The following DPH6 variants were observed in gnomAD, a reference collection of about 807,000 sequenced individuals.
The protein encoded by DPH6 is diphthamine biosynthesis 6.
DPH6 carries 33 observed loss-of-function variants against 38.2 expected under a neutral mutation model. That is an observed-to-expected ratio of 0.86 (90% CI 0.65 to 1.15). The LOEUF (loss-of-function observed/expected upper bound fraction) is 1.15, where lower values mean the gene tolerates loss of function less well. Among genes scored for constraint, DPH6 ranks in the 50% most tolerant of loss-of-function variants. The pLI is 0.00. For synonymous variants in DPH6, 108 were observed against 103.0 expected, an observed-to-expected ratio of 1.05 and a Z score of -0.30; for missense variants, 325 against 320.0, an observed-to-expected ratio of 1.02 and a Z score of -0.12.
intron 3 of DPH6, among the ~76,000 whole-genome samples, chr15:35,523,469 A>T (rs947511257): frequency 6.6e-6 from 1 of 151,960 alleles, no homozygotes; most frequent in Non-Finnish European, 1.5e-5. Context: ...GCTTTACATG[A>T]ACCTATTTTA....
chr15:35,481,305 C>T (rs1459795519), intron 3 of DPH6, among the ~76,000 whole-genome samples: 2 of 152,082 alleles, frequency 1.3e-5, no homozygotes, highest in Non-Finnish European at 2.9e-5. Flanking sequence ...GGGATTTCAA[C>T]AGTCTGTCAA....
chr15:35,259,676 C>T (rs937867390), intron 3 of DPH6, among the ~76,000 whole-genome samples: 1 of 152,204 alleles, frequency 6.6e-6, no homozygotes, highest in African/African-American at 2.4e-5. Flanking sequence ...TCCTCCCCAC[C>T]TTCCTCTCCA....
chr15:35,410,409 C>CT (rs902306870), intron 6 of DPH6, among the ~76,000 whole-genome samples: 11 of 151,610 alleles, frequency 7.3e-5, no homozygotes, highest in African/African-American at 1.4e-4. Flanking sequence ...CTTGGGATAA[C>CT]TTTTTTTACT....
chr15:35,546,111 C>G lies in DPH6; in HGVS notation c.23+8G>C. 1 of 1,403,994 alleles carries G rather than the reference C, an allele frequency of 7.1e-7. No individual in the cohort carries two copies. The highest frequency in any genetic ancestry group is 9.4e-7 in the Non-Finnish European group (1 of 1,064,908). 87.0% of individuals were successfully genotyped at this position (1,403,994 alleles called of 1,614,324 possible). A position where few individuals can be genotyped will look rare whatever the true frequency, so the allele number is the denominator to read the frequency against. ...AGGAGGAAGGAGGCGGCTCCAGGACCGCATTACCTGATCAGAGCCGCGACC... is the reference window on the plus strand; with the variant it reads ...AGGAGGAAGGAGGCGGCTCCAGGACGGCATTACCTGATCAGAGCCGCGACC... On this transcript the variant is annotated splice_region_variant and intron_variant, in intron 1 of 8. Transcript: ENST00000256538.
chr15:35,385,893 C>T (rs934878235), intron 6 of DPH6, among the ~76,000 whole-genome samples: 2 of 151,848 alleles, frequency 1.3e-5, no homozygotes, highest in African/African-American at 2.4e-5. Flanking sequence ...ATGTGCACAA[C>T]GTGCAGGTTT....
At chr15:35,432,958 A>C (rs2053650748) in intron 5 of DPH6, among the ~76,000 whole-genome samples, 1 of 152,050 alleles carries the variant, frequency 6.6e-6, no homozygotes, top group South Asian at 2.1e-4. Flanking sequence ...TAAACACCAA[A>C]CCCAAGTGAC....
chr15:35,206,434 A>T, the DPH6 span, among the ~76,000 whole-genome samples: 1 of 152,224 alleles, frequency 6.6e-6, no homozygotes, highest in Non-Finnish European at 1.5e-5. Flanking sequence ...AAATGTAAAG[A>T]GACCTAAGAC....
downstream of DPH6, among the ~76,000 whole-genome samples, chr15:35,330,331 A>T (rs2052317917): frequency 6.6e-6 from 1 of 152,200 alleles, no homozygotes; most frequent in Non-Finnish European, 1.5e-5. Context: ...TGAATGAAAA[A>T]GAACCCTGAA....
chr15:35,222,862 T>C (rs565523653), intron 3 of DPH6, among the ~76,000 whole-genome samples: 2 of 152,146 alleles, frequency 1.3e-5, no homozygotes. Flanking sequence ...ACAAGGAATT[T>C]CCTTGTGGGC....
chr15:35,427,935 A>G (rs1159146789), intron 5 of DPH6, among the ~76,000 whole-genome samples: 1 of 151,980 alleles, frequency 6.6e-6, no homozygotes, highest in Non-Finnish European at 1.5e-5. Flanking sequence ...TAAAAAAAAG[A>G]AAAAATACAC....
chr15:35,468,295 C>G (rs1246400282), intron 3 of DPH6, among the ~76,000 whole-genome samples: 1 of 152,084 alleles, frequency 6.6e-6, no homozygotes, highest in African/African-American at 2.4e-5. Flanking sequence ...TAACTTGCCC[C>G]AGATTTCTCA....
chr15:35,241,793 T>G (rs2051601472), intron 3 of DPH6, among the ~76,000 whole-genome samples: 1 of 143,254 alleles, frequency 7.0e-6, no homozygotes, highest in Admixed American at 7.6e-5. Context: ...TTGAAAAGAT[T>G]AAAGCCTGTT....
chr15:35,473,965 C>CGT (rs1566923345), intron 3 of DPH6, among the ~76,000 whole-genome samples: 2 of 145,766 alleles, frequency 1.4e-5, no homozygotes, highest in Admixed American at 6.9e-5. Context: ...TGTGCGCGCG[C>CGT]GCGCGTGAGC....
intron 7 of DPH6, among the ~76,000 whole-genome samples, chr15:35,380,608 AT>A (rs1375148761): frequency 6.6e-6 from 1 of 152,166 alleles, no homozygotes; most frequent in African/African-American, 2.4e-5. Flanking sequence ...ATTTTCTACT[AT>A]AATTTCACAC....
chr15:35,436,514 C>CAAAAAAAAAA lies in DPH6; in HGVS notation c.505+14170_505+14171insTTTTTTTTTT, dbSNP rs1277172991. ...CAAAACAAAACAAAACAAAACAAAA[C>CAAAAAAAAAA]AAAAAAGGTTCTCTCCCTGTTCGTC... On this transcript the variant is annotated intron_variant, in intron 5 of 8. Transcript: ENST00000256538. Among the ~76,000 whole-genome samples, 18 of 123,200 alleles carry CAAAAAAAAAA rather than the reference C, an allele frequency of 1.5e-4. 2 individuals carry two copies. The highest frequency in any genetic ancestry group is 2.5e-4 in the East Asian group (1 of 4,038). 80.8% of individuals were successfully genotyped at this position (123,200 alleles called of 152,430 possible).
At chr15:35,436,511 A>AAC (rs1327771250) in intron 5 of DPH6, among the ~76,000 whole-genome samples, 1,464 of 97,834 alleles carry the variant, frequency 0.015, 76 homozygotes, top group Non-Finnish European at 0.018. Context: ...AAACAAAACA[A>AAC]AACAAAAAAG....
chr15:35,420,967 C>T (rs970784149), intron 5 of DPH6, among the ~76,000 whole-genome samples: 1 of 152,126 alleles, frequency 6.6e-6, no homozygotes. Context: ...TAAGACACTA[C>T]TTATAAACAA....
chr15:35,427,021 TA>T (rs67109450), intron 5 of DPH6, among the ~76,000 whole-genome samples: 49,977 of 145,678 alleles, frequency 0.34, 9,858 homozygotes, highest in African/African-American at 0.56. Flanking sequence ...AAAAAAAAGA[TA>T]AAAAAAAAGA....
downstream of DPH6, among the ~76,000 whole-genome samples, chr15:35,366,137 T>A (rs578130923): frequency 4.6e-5 from 7 of 152,028 alleles, no homozygotes; most frequent in African/African-American, 1.7e-4. Context: ...GATGGGATCC[T>A]TGAGTTTATA....
Sources: allele counts gnomAD v4.1 joint callset (sites outside exome capture counted in the v4.1 genomes callset), GRCh38; gene constraint gnomAD v4.1.1; transcripts MANE v1.5; gene names NCBI Gene and HGNC (gene_info 2026-07-23, HGNC 2026-07-21).